Variants in CYP3A7 observed in about 807,000 individuals in gnomAD.
CYP3A7 encodes cytochrome P450 family 3 subfamily A member 7, also known as cytochrome P450 3A7.
In CYP3A7, 45 loss-of-function variants were observed where a neutral mutation model predicts 55.2. The ratio of observed to expected loss-of-function variants is 0.82; its 90% CI spans 0.64 to 1.05. The LOEUF is 1.05. CYP3A7 is among the 50% of genes least tolerant of loss of function. The pLI, the probability that CYP3A7 is intolerant of heterozygous loss-of-function variation, is 0.00. For missense variants in CYP3A7, 548 were observed against 605.3 expected (o/e 0.91, Z 0.99); for synonymous variants, 180 against 207.4 (o/e 0.87, Z 1.13).
intron 2 of CYP3A7, 106 bp downstream of exon 2, chr7:99,730,953 G>C: frequency 7.0e-7 from 1 of 1,426,084 alleles, no homozygotes; most frequent in Non-Finnish European, 9.7e-7. Context: ...ATTTCTGAAA[G>C]TATAAAATCT....
intron 1 of CYP3A7, among the ~76,000 whole-genome samples, chr7:99,733,857 A>G (rs895012676): frequency 6.6e-6 from 1 of 152,190 alleles, no homozygotes; most frequent in Non-Finnish European, 1.5e-5. Context: ...AAGCAGGTGT[A>G]TTTGAAATGG....
At chr7:99,721,544 C>T (rs1814197928) in intron 3 of CYP3A7, among the ~76,000 whole-genome samples, 1 of 152,134 alleles carries the variant, frequency 6.6e-6, no homozygotes, top group Admixed American at 6.6e-5. Flanking sequence ...GGGGAATAGG[C>T]AGACACTGGA....
chr7:99,708,979 G>GAA lies in CYP3A7; in HGVS notation c.1253+54_1253+55dup, dbSNP rs1442761392. The GAA allele has an allele frequency of 2.5e-6, 4 of 1,591,520 alleles. No individual in the cohort carries two copies. In the African/African-American group the frequency reaches 5.4e-5, roughly 21 times the overall value. ...GCCCAGACTGTCCTGTAGAGAGGCA[G>GAA]AATATGCTTGAACCAGGCTGGTTCA... On this transcript the variant is annotated intron_variant, in intron 11 of 12. Coordinates refer to ENST00000336374, the MANE Select transcript of CYP3A7 (RefSeq NM_000765.5).
chr7:99,734,743 A>T (rs1355495625), intron 1 of CYP3A7, among the ~76,000 whole-genome samples: 1 of 150,502 alleles, frequency 6.6e-6, no homozygotes, highest in African/African-American at 2.5e-5. Flanking sequence ...TGCCTCAGCC[A>T]CCCAAGTAGC....
At chr7:99,724,876 A>G (rs1476374172) in intron 2 of CYP3A7, among the ~76,000 whole-genome samples, 2 of 152,072 alleles carry the variant, frequency 1.3e-5, no homozygotes, top group East Asian at 3.9e-4. Context: ...CCTGCGATTT[A>G]ACCTGGAGTG....
At chr7:99,709,409 T>C in intron 10 of CYP3A7, 148 bp from the exon 11 acceptor site, 1 of 1,301,606 alleles carries the variant, frequency 7.7e-7, no homozygotes, top group Non-Finnish European at 1.1e-6. Flanking sequence ...TTTTAATAAC[T>C]GTCATGCCCT....
At chr7:99,720,465 G>C in intron 3 of CYP3A7, 53 bp from the exon 4 acceptor site, 1 of 1,604,234 alleles carries the variant, frequency 6.2e-7, no homozygotes, top group Non-Finnish European at 8.5e-7. Flanking sequence ...TGCTACAGCT[G>C]GAGCCAAACC....
In CYP3A7 at chr7:99,705,445, C is replaced by T; in HGVS notation, c.*55G>A. On this transcript the variant is annotated 3_prime_UTR_variant, in exon 13 of 13. Transcript: ENST00000336374. ...CTATTTGTAAAGTAATTTGAGGTCTCTGGTGTTCTGGGGCACAGCTTTCTT... is the reference window on the plus strand; with the variant it reads ...CTATTTGTAAAGTAATTTGAGGTCTTTGGTGTTCTGGGGCACAGCTTTCTT... 1.3e-6 allele frequency: 2 copies of T among 1,581,500 alleles called. No individual in the cohort carries two copies. The highest frequency in any genetic ancestry group is 1.7e-6 in the Non-Finnish European group (2 of 1,151,802).
chr7:99,707,828 G>T lies in CYP3A7; in HGVS notation c.1400C>A (p.Pro467His). Residue 467 changes from proline to histidine, a missense_variant, in exon 12 of 13, where the codon CCT (proline) becomes CAT (histidine). By Grantham distance (77) the Pro-to-His change is moderately conservative. Coordinates refer to ENST00000336374, the MANE Select transcript of CYP3A7 (RefSeq NM_000765.5). ...VRVLQNFSFKPCKETQIPLKL... is the reference protein window; with the variant it reads ...VRVLQNFSFKHCKETQIPLKL... ...TTGACTGACCTGTGTTTCTTTACAA[G>T]GTTTGAAGGAGAAGTTCTGAAGGAC... The T allele has an allele frequency of 6.2e-7, 1 of 1,613,848 alleles. No individual in the cohort carries two copies.
intron 4 of CYP3A7, 72 bp from the exon 5 acceptor site, chr7:99,717,711 A>T: frequency 6.4e-7 from 1 of 1,553,158 alleles, no homozygotes; most frequent in Non-Finnish European, 8.8e-7. Context: ...AAAATGTGTT[A>T]AACAGGCATC....
Position 99,714,562 on chromosome 7 carries a change from G to T in CYP3A7, c.791C>A (p.Thr264Lys), listed in dbSNP as rs749672460. The T allele has an allele frequency of 6.2e-7, 1 of 1,612,546 alleles. No homozygotes were observed. The highest frequency in any genetic ancestry group is 1.7e-5 in the Admixed American group (1 of 59,918). The stretch of plus-strand genomic sequence containing the variant: ...ACTACCACCACGTTTTACCTTTTGT[G>T]TCTCTTTGAGGCGACCTTCTTTTAT... Reference protein sequence around the residue: ...KQIKEGRLKETQKHRVDFLQL... With the variant: ...KQIKEGRLKEKQKHRVDFLQL... Residue 264 changes from threonine (T) to lysine (K), a missense_variant, in exon 8 of 13, where the codon ACA (threonine) becomes AAA (lysine). Coordinates refer to ENST00000336374, the MANE Select transcript of CYP3A7 (RefSeq NM_000765.5).
In CYP3A7 at chr7:99,709,117, CT is replaced by C; in HGVS notation, c.1170del (p.Val392TrpfsTer3). 6.2e-7 allele frequency: 1 copy of C among 1,613,984 alleles called. No homozygotes were observed. Among genetic ancestry groups the C allele is most frequent in the Non-Finnish European group, 8.5e-7 (1 of 1,179,922 alleles). On this transcript the variant is annotated frameshift_variant, in exon 11 of 13. Transcript: ENST00000336374. LOFTEE classifies it high-confidence loss of function. ...DVEINGMFIP[K>X]GVVVMIPSYV... ...TAGCTTGGAATCATCACCACCACCC[CT>C]TTGGGAATAAACATCCCATTGATTT... is the stretch of plus-strand genomic sequence containing the variant.
rs748884685 is a variant in CYP3A7, at chr7:99,720,406, A to G, written c.225T>C (p.Tyr75=). 46 of 1,613,510 alleles carry G rather than the reference A, an allele frequency of 2.9e-5. No individual in the cohort carries two copies. In the Admixed American group the frequency reaches 7.5e-4, roughly 26 times the overall value. The change falls in exon 4 of 13, where the codon TAT becomes TAC. Residue 75 remains tyrosine (Y), a synonymous_variant. Transcript: ENST00000336374. ...TAGCCAGCATAGGCTGTTGACAGTC[A>G]TAAATACTGTGTGGAGAAAACAGAG... is the stretch of plus-strand genomic sequence containing the variant. ...YKKYRKVWGI[Y]DCQQPMLAIT...
chr7:99,722,485 T>C, intron 2 of CYP3A7, 137 bp from the exon 3 acceptor site: 2 of 1,080,318 alleles, frequency 1.9e-6, no homozygotes, highest in Non-Finnish European at 2.7e-6. Flanking sequence ...AGAGATGTCA[T>C]AAGAGAAAGG....
chr7:99,709,114 C>A lies in CYP3A7; in HGVS notation c.1174G>T (p.Val392Leu). ...ACATAGCTTGGAATCATCACCACCACCCCTTTGGGAATAAACATCCCATTG... is the reference window on the plus strand; with the variant it reads ...ACATAGCTTGGAATCATCACCACCAACCCTTTGGGAATAAACATCCCATTG... ...EINGMFIPKGVVVMIPSYVLH... is the reference protein window; with the variant it reads ...EINGMFIPKGLVVMIPSYVLH... The change falls in exon 11 of 13, where the codon GTG becomes TTG. Residue 392 changes from valine to leucine, a missense_variant. Physicochemically the swap from Val to Leu is conservative, Grantham distance 32. Transcript: ENST00000336374. 6.2e-7 allele frequency: 1 copy of A among 1,613,946 alleles called. No individual in the cohort carries two copies. Among genetic ancestry groups the A allele is most frequent in the Non-Finnish European group, 8.5e-7 (1 of 1,179,928 alleles).
intron 6 of CYP3A7, 66 bp downstream of exon 6, chr7:99,717,111 G>A: frequency 6.2e-7 from 1 of 1,602,004 alleles, no homozygotes; most frequent in Middle Eastern, 1.7e-4. Flanking sequence ...GGGAGTATCA[G>A]CTCCATAGCA....
Position 99,709,000 on chromosome 7 carries a change from G to A in CYP3A7, c.1253+35C>T, listed in dbSNP as rs1218971509. 6.8e-6 allele frequency: 11 copies of A among 1,612,706 alleles called. 1 individual carries two copies. The South Asian group carries it at 8.8e-5, about 13-fold the overall frequency. Reference sequence around the variant, plus strand: ...GGCAGAATATGCTTGAACCAGGCTGGTTCAGGGAGGGCTCCCTTCCCAGGG... The same window carrying A: ...GGCAGAATATGCTTGAACCAGGCTGATTCAGGGAGGGCTCCCTTCCCAGGG... On this transcript the variant is annotated intron_variant, in intron 11 of 12. Transcript: ENST00000336374.
At chr7:99,726,851 C>T (rs939906987) in intron 2 of CYP3A7, among the ~76,000 whole-genome samples, 102 of 152,312 alleles carry the variant, frequency 6.7e-4, no homozygotes, top group African/African-American at 2.3e-3. Flanking sequence ...CTTCTCCATC[C>T]GTTACGTACC....
rs1814000488 is a variant in CYP3A7, at chr7:99,717,389, G to A, written c.433-124C>T. 11 of 1,589,944 alleles carry A rather than the reference G, an allele frequency of 6.9e-6. No homozygotes were observed. The South Asian group carries it at 1.0e-4, about 14-fold the overall frequency. ...TAATGAATTTTATGATGTGTTTTCT[G>A]TACATAAAAAGACTATTTTTAGGAA... On this transcript the variant is annotated intron_variant, in intron 5 of 12. Transcript: ENST00000336374.
Sources: allele counts gnomAD v4.1 joint callset (sites outside exome capture counted in the v4.1 genomes callset), GRCh38; gene constraint gnomAD v4.1.1; transcripts MANE v1.5; gene names NCBI Gene and HGNC (gene_info 2026-07-23, HGNC 2026-07-21).